CLDN14: variants seen among roughly 807,000 people sequenced by gnomAD.
CLDN14 encodes the protein claudin 14.
Under a neutral mutation model 2.1 loss-of-function variants are expected in CLDN14, and 2 were observed. The observed-to-expected ratio is 0.96, with a 90% CI of 0.39 to 3.01. The LOEUF (loss-of-function observed/expected upper bound fraction) is 3.01, where lower values mean the gene tolerates loss of function less well. Ranked by LOEUF, CLDN14 falls within the 30% of genes most tolerant of loss-of-function variation. The probability of loss-of-function intolerance (pLI) is 0.09; values close to 1 mark genes in which losing one functional copy is unlikely to be tolerated. For missense variants in CLDN14, 298 were observed against 328.0 expected (o/e 0.91, Z 0.71); for synonymous variants, 136 against 154.4 (o/e 0.88, Z 0.88).
At chr21:36,537,423 AAAG>A (rs2087432732) in intron 1 of CLDN14, among the ~76,000 whole-genome samples, 1 of 152,302 alleles carries the variant, frequency 6.6e-6, no homozygotes, top group African/African-American at 2.4e-5. Context: ...TTTTTTTAAA[AAAG>A]CTATAAAAGA....
chr21:36,486,489 CAA>C, intron 2 of CLDN14: 1 of 1,559,332 alleles, frequency 6.4e-7, no homozygotes, highest in Non-Finnish European at 8.8e-7. Flanking sequence ...ACTCCAAATT[CAA>C]AGTCACTGGC....
At chr21:36,531,531 C>T (rs2087380046) in intron 1 of CLDN14, among the ~76,000 whole-genome samples, 1 of 151,850 alleles carries the variant, frequency 6.6e-6, no homozygotes, top group African/African-American at 2.4e-5. Context: ...TCCCAGAGTA[C>T]TAAGATTACA....
At chr21:36,477,375 T>A (rs2086791947) in intron 1 of CLDN14, 1 of 152,254 alleles carries the variant, frequency 6.6e-6, no homozygotes, top group Admixed American at 6.5e-5. Context: ...TTACTTTACC[T>A]TCATTTAAGT....
chr21:36,473,281 C>T (rs1162214699), intron 1 of CLDN14, among the ~76,000 whole-genome samples: 10 of 152,146 alleles, frequency 6.6e-5, no homozygotes, highest in South Asian at 6.2e-4. Context: ...AGATGGAGGT[C>T]CCACTATGTT....
chr21:36,555,680 A>T (rs1472931128), intron 1 of CLDN14, among the ~76,000 whole-genome samples: 2 of 152,036 alleles, frequency 1.3e-5, no homozygotes, highest in East Asian at 3.9e-4. Context: ...GGTATGTGGG[A>T]CATTGCCCAA....
intron 2 of CLDN14, among the ~76,000 whole-genome samples, chr21:36,508,724 G>A (rs1161084392): frequency 3.3e-5 from 5 of 152,200 alleles, no homozygotes; most frequent in Admixed American, 1.3e-4. Context: ...TAGCCAGGGT[G>A]GGCCAGCTGA....
chr21:36,524,485 T>G (rs1334233920), intron 1 of CLDN14, among the ~76,000 whole-genome samples: 3 of 152,154 alleles, frequency 2.0e-5, no homozygotes, highest in African/African-American at 7.2e-5. Context: ...ATGAGACAGA[T>G]ACCGACCGTA....
chr21:36,537,365 G>GT (rs2087432081), intron 1 of CLDN14, among the ~76,000 whole-genome samples: 1 of 152,062 alleles, frequency 6.6e-6, no homozygotes, highest in South Asian at 2.1e-4. Flanking sequence ...ATAAAAAGAC[G>GT]TAACAATGAA....
At chr21:36,523,451 T>C (rs968708446) in intron 1 of CLDN14, among the ~76,000 whole-genome samples, 1 of 152,046 alleles carries the variant, frequency 6.6e-6, no homozygotes, top group African/African-American at 2.4e-5. Flanking sequence ...CCAGTTTAGG[T>C]AGAAAGTGGA....
In CLDN14 at chr21:36,498,458, A is replaced by G. The variant is rs1277577062; in HGVS notation, c.-82+11905T>C. On this transcript the variant is annotated intron_variant, in intron 2 of 2. Transcript: ENST00000342108. The surrounding 1 kb of genome is among the most constrained non-coding windows in gnomAD (Gnocchi z 4.9). ...GGATTTAGCTGTGAAAGACCAGTAG[A>G]CCAACTGGTGGGAAAAATACTTGCA... is the stretch of plus-strand genomic sequence containing the variant. Among the ~76,000 whole-genome samples, 2 of 152,210 alleles carry G rather than the reference A, an allele frequency of 1.3e-5. No homozygotes were observed. Among genetic ancestry groups the G allele is most frequent in the Non-Finnish European group, 2.9e-5 (2 of 68,034 alleles).
upstream of CLDN14, among the ~76,000 whole-genome samples, chr21:36,482,673 G>T (rs2086860679): frequency 6.6e-6 from 1 of 152,198 alleles, no homozygotes. Context: ...CGACACACAT[G>T]CTGACAACTT....
chr21:36,554,819 C>A (rs1422743658), intron 1 of CLDN14, among the ~76,000 whole-genome samples: 1 of 152,180 alleles, frequency 6.6e-6, no homozygotes, highest in Admixed American at 6.5e-5. Flanking sequence ...GTACTGATTA[C>A]CTCCCGCCCC....
intron 1 of CLDN14, among the ~76,000 whole-genome samples, chr21:36,471,272 G>A (rs1269878051): frequency 6.6e-6 from 1 of 152,170 alleles, no homozygotes; most frequent in Non-Finnish European, 1.5e-5. Flanking sequence ...AAGTGTGGAG[G>A]ACAAAATCTA....
At chr21:36,541,514 G>A (rs1019771994) in intron 1 of CLDN14, among the ~76,000 whole-genome samples, 5 of 152,106 alleles carry the variant, frequency 3.3e-5, no homozygotes, top group East Asian at 3.9e-4. Context: ...TTATAAAGCC[G>A]ATTGTCTAAT....
chr21:36,522,263 A>T (rs2087276876), intron 1 of CLDN14, among the ~76,000 whole-genome samples: 1 of 152,178 alleles, frequency 6.6e-6, no homozygotes, highest in Non-Finnish European at 1.5e-5. Flanking sequence ...GTGAAAATGC[A>T]TATTATTACC....
At chr21:36,520,451 C>T (rs920452550) in intron 1 of CLDN14, among the ~76,000 whole-genome samples, 5 of 152,202 alleles carry the variant, frequency 3.3e-5, no homozygotes, top group Admixed American at 2.6e-4. Flanking sequence ...TCATACTGTT[C>T]TCGTGGTAGT....
chr21:36,512,752 G>A (rs1458782113), intron 1 of CLDN14, among the ~76,000 whole-genome samples: 1 of 152,198 alleles, frequency 6.6e-6, no homozygotes. Context: ...GCTGAAGGGG[G>A]ACTGGAGGAA....
chr21:36,522,340 A>T (rs963750404), intron 1 of CLDN14, among the ~76,000 whole-genome samples: 2 of 152,210 alleles, frequency 1.3e-5, no homozygotes, highest in Non-Finnish European at 2.9e-5. Context: ...CTCAAGTCCA[A>T]ATTGTGTGTC....
At chr21:36,566,582 G>A (rs1026171315) in intron 1 of CLDN14, among the ~76,000 whole-genome samples, 6 of 152,232 alleles carry the variant, frequency 3.9e-5, no homozygotes, top group Non-Finnish European at 8.8e-5. Context: ...CTCTGCACAA[G>A]TGCTTGCTCT....
Sources: allele counts gnomAD v4.1 joint callset (sites outside exome capture counted in the v4.1 genomes callset), GRCh38; gene constraint gnomAD v4.1.1; non-coding constraint Gnocchi (gnomAD v3.1); transcripts MANE v1.5; gene names NCBI Gene and HGNC (gene_info 2026-07-23, HGNC 2026-07-21).